Variants in HIPK3 observed in about 807,000 individuals in gnomAD.
HIPK3 encodes the protein homeodomain-interacting protein kinase 3.
In HIPK3, 47 loss-of-function variants were observed where a neutral mutation model predicts 124.2. The observed-to-expected ratio is 0.38, with a 90% confidence interval of 0.30 to 0.48. HIPK3 has a LOEUF of 0.48. HIPK3 is among the 20% of genes least tolerant of loss of function. HIPK3 has a pLI of 0.98. For missense variants in HIPK3, 1,286 were observed against 1,454.3 expected (o/e 0.88, Z 1.88); for synonymous variants, 482 against 515.2 (o/e 0.94, Z 0.87).
intron 2 of HIPK3, among the ~76,000 whole-genome samples, chr11:33,317,961 G>A (rs1852554667): frequency 6.6e-6 from 1 of 152,122 alleles, no homozygotes; most frequent in Non-Finnish European, 1.5e-5. Context: ...TAAGAGCTTT[G>A]TTTTAACTAA....
At position 33,286,696 on chromosome 11, in the gene HIPK3, CAT is replaced by C; in HGVS notation, c.284_285del (p.Ile95SerfsTer37). On this transcript the variant is annotated frameshift_variant, in exon 2 of 17. Transcript: ENST00000303296. LOFTEE classifies it high-confidence loss of function. ...AAAACACTGCAGGTGCTACAAAGGT[CAT>C]AGCAGCTCAGGCACAGCAAGCTCAC... ...LKNTAGATKV[I>X]AAQAQQAHVQ... is the part of the protein sequence containing the mutation. 2 of 1,614,070 alleles carry C rather than the reference CAT, an allele frequency of 1.2e-6. No homozygotes were observed. Among genetic ancestry groups the C allele is most frequent in the South Asian group, 2.2e-5 (2 of 91,076 alleles).
chr11:33,345,147 CTG>C (rs1265172047), intron 8 of HIPK3, among the ~76,000 whole-genome samples: 1 of 151,922 alleles, frequency 6.6e-6, no homozygotes, highest in Non-Finnish European at 1.5e-5. Context: ...ATCCATAAGA[CTG>C]TGCTTATTTT....
At chr11:33,325,602 T>TGCCTA (rs1485829984) in intron 2 of HIPK3, among the ~76,000 whole-genome samples, 3 of 152,188 alleles carry the variant, frequency 2.0e-5, no homozygotes, top group African/African-American at 4.8e-5. Context: ...CCTAGACTTC[T>TGCCTA]GTATTTGAAG....
intron 2 of HIPK3, among the ~76,000 whole-genome samples, chr11:33,299,002 A>C (rs894033603): frequency 6.6e-6 from 1 of 151,890 alleles, no homozygotes. Flanking sequence ...GCCTGCCACC[A>C]TGCCTGGCTA....
At chr11:33,346,159 C>G (rs941613434) in intron 8 of HIPK3, among the ~76,000 whole-genome samples, 1 of 152,142 alleles carries the variant, frequency 6.6e-6, no homozygotes, top group African/African-American at 2.4e-5. Flanking sequence ...TACTACTTTG[C>G]TCTCTCAGAG....
intron 2 of HIPK3, among the ~76,000 whole-genome samples, chr11:33,310,282 T>TATCTATCTATCTATCTATCTATCC (rs1852292932): frequency 5.3e-5 from 1 of 19,012 alleles, no homozygotes; most frequent in Non-Finnish European, 1.6e-4. Flanking sequence ...CTGTCTATCT[T>TATCTATCTATCTATCTATCTATCC]ATCTATCTAT....
At chr11:33,272,149 G>A (rs1290076812) in intron 1 of HIPK3, among the ~76,000 whole-genome samples, 1 of 152,176 alleles carries the variant, frequency 6.6e-6, no homozygotes, top group Non-Finnish European at 1.5e-5. Context: ...TGTAATCCCA[G>A]CACTTTGGGA....
chr11:33,341,548 T>C lies in HIPK3; in HGVS notation c.1774-15T>C, dbSNP rs1325204937. The C allele has an allele frequency of 3.7e-6, 6 of 1,602,918 alleles. No individual in the cohort carries two copies. Among genetic ancestry groups the C allele is most frequent in the Non-Finnish European group, 5.1e-6 (6 of 1,175,440 alleles). On this transcript the variant is annotated splice_polypyrimidine_tract_variant and intron_variant, in intron 7 of 16. Transcript: ENST00000303296. ...ATTTAGAAGACTGCTCTATATAATG[T>C]GCTCGTTGTTTCAGGCATTGACCAC... is the stretch of plus-strand genomic sequence containing the variant.
intron 2 of HIPK3, among the ~76,000 whole-genome samples, chr11:33,298,549 T>A (rs1037456328): frequency 2.6e-5 from 4 of 152,240 alleles, no homozygotes; most frequent in African/African-American, 9.6e-5. Flanking sequence ...CTCTGATGCA[T>A]CTGGGCAAAG....
intron 2 of HIPK3, among the ~76,000 whole-genome samples, chr11:33,325,350 A>G (rs754045275): frequency 1.3e-5 from 2 of 152,352 alleles, no homozygotes; most frequent in African/African-American, 2.4e-5. Flanking sequence ...TTCAAATCCT[A>G]TGAAGAATTT....
intron 2 of HIPK3, among the ~76,000 whole-genome samples, chr11:33,322,599 G>A (rs1183346023): frequency 1.3e-5 from 2 of 152,138 alleles, no homozygotes; most frequent in African/African-American, 2.4e-5. Flanking sequence ...GCCGAGGCAG[G>A]CAAATCACTT....
chr11:33,317,228 T>C (rs1852528467), intron 2 of HIPK3, among the ~76,000 whole-genome samples: 1 of 150,366 alleles, frequency 6.7e-6, no homozygotes, highest in African/African-American at 2.4e-5. Context: ...TGCCTCAGCC[T>C]CCCAAAGTGC....
intron 1 of HIPK3, among the ~76,000 whole-genome samples, chr11:33,282,670 G>A (rs1482090216): frequency 6.8e-6 from 1 of 147,932 alleles, no homozygotes; most frequent in Non-Finnish European, 1.5e-5. Flanking sequence ...GCAATAGAGC[G>A]AGACTGTATC....
Position 33,257,765 on chromosome 11 carries a change from C to T in HIPK3, c.-127C>T, listed in dbSNP as rs1179983713. ...AGCGGCCGCGGAGAGGGGCTGAGCC[C>T]GGGCTGGGTGGTGCCGCCTGCTGAA... On this transcript the variant is annotated 5_prime_UTR_variant, in exon 1 of 17. Coordinates refer to ENST00000303296, the MANE Select transcript of HIPK3 (RefSeq NM_005734.5). The T allele has an allele frequency of 1.0e-6, 1 of 987,608 alleles. No homozygotes were observed. Among genetic ancestry groups the T allele is most frequent in the Non-Finnish European group, 1.2e-6 (1 of 831,548 alleles). The allele number at this position is 987,608 out of a possible 1,614,324, so 61.2% of individuals were successfully genotyped here.
intron 3 of HIPK3, among the ~76,000 whole-genome samples, chr11:33,335,266 G>A (rs1008426451): frequency 6.6e-6 from 1 of 152,080 alleles, no homozygotes; most frequent in Admixed American, 6.6e-5. Context: ...AGATAAAATT[G>A]TGGGCACTTA....
At chr11:33,344,878 T>C (rs185323455) in intron 8 of HIPK3, among the ~76,000 whole-genome samples, 71 of 152,242 alleles carry the variant, frequency 4.7e-4, no homozygotes, top group Admixed American at 9.8e-4. Context: ...ATGTAGAAAA[T>C]TTCAGCATTG....
chr11:33,341,486 ATG>A, intron 7 of HIPK3, 75 bp from the exon 8 acceptor site: 2 of 1,294,528 alleles, frequency 1.5e-6, no homozygotes, highest in Non-Finnish European at 2.1e-6. Context: ...ATCTTAAGAA[ATG>A]TGTTTGAATT....
At chr11:33,279,246 C>CG (rs113205339) in intron 1 of HIPK3, among the ~76,000 whole-genome samples, 48,026 of 146,032 alleles carry the variant, frequency 0.33, 7,776 homozygotes, top group African/African-American at 0.39. Flanking sequence ...CCTGGGAAGG[C>CG]GGAGGTTGCA....
At chr11:33,330,684 G>T (rs1308853635) in intron 3 of HIPK3, among the ~76,000 whole-genome samples, 1 of 152,110 alleles carries the variant, frequency 6.6e-6, no homozygotes, top group African/African-American at 2.4e-5. Flanking sequence ...CAAATAAATT[G>T]TAGTGATTTT....
Sources: allele counts gnomAD v4.1 joint callset (sites outside exome capture counted in the v4.1 genomes callset), GRCh38; gene constraint gnomAD v4.1.1; transcripts MANE v1.5; gene names NCBI Gene and HGNC (gene_info 2026-07-23, HGNC 2026-07-21).